EPHA6: variants seen among roughly 807,000 people sequenced by gnomAD.
EPHA6 encodes the protein EPH receptor A6.
Under a neutral mutation model 112.0 loss-of-function variants are expected in EPHA6, and 50 were observed. The observed-to-expected ratio is 0.45, with a 90% CI of 0.36 to 0.56. The LOEUF is 0.56. Ranked by LOEUF, EPHA6 falls within the 20% of genes least tolerant of loss-of-function variation. EPHA6 has a pLI of 0.00. For synonymous variants in EPHA6, 529 were observed against 490.7 expected (o/e 1.08, Z -1.03); for missense variants, 1,280 against 1,417.4 (o/e 0.90, Z 1.56).
intron 11 of EPHA6, among the ~76,000 whole-genome samples, chr3:97,554,332 C>A (rs2093072057): frequency 6.6e-6 from 1 of 151,616 alleles, no homozygotes; most frequent in Admixed American, 6.6e-5. Context: ...CCTAAATTTT[C>A]CATAAAGGTT....
chr3:97,076,133 A>G (rs1404723632), intron 3 of EPHA6, among the ~76,000 whole-genome samples: 1 of 152,160 alleles, frequency 6.6e-6, no homozygotes, highest in South Asian at 2.1e-4. Flanking sequence ...ATAAAAAGCT[A>G]TAAATGATTA....
chr3:97,745,807 T>G (rs2035688748), intron 16 of EPHA6, among the ~76,000 whole-genome samples: 1 of 151,814 alleles, frequency 6.6e-6, no homozygotes, highest in Non-Finnish European at 1.5e-5. Flanking sequence ...CTGGTGACTT[T>G]AGGGTGACTT....
At chr3:96,925,833 C>T (rs1254586801) in intron 2 of EPHA6, among the ~76,000 whole-genome samples, 2 of 151,882 alleles carry the variant, frequency 1.3e-5, no homozygotes, top group Non-Finnish European at 2.9e-5. Context: ...CTCAAACTTC[C>T]GACCTCAGGT....
chr3:96,940,435 G>C (rs1346044671), intron 2 of EPHA6, among the ~76,000 whole-genome samples: 1 of 151,558 alleles, frequency 6.6e-6, no homozygotes, highest in African/African-American at 2.4e-5. Flanking sequence ...GCCTTTTTTT[G>C]TTTTCCATTT....
At chr3:97,721,680 G>A (rs913858273) in intron 15 of EPHA6, among the ~76,000 whole-genome samples, 2 of 152,118 alleles carry the variant, frequency 1.3e-5, no homozygotes, top group South Asian at 4.1e-4. Context: ...CTCCACCCCC[G>A]CAACACTTAG....
chr3:97,305,464 AC>A (rs375802856), intron 5 of EPHA6, among the ~76,000 whole-genome samples: 136 of 152,152 alleles, frequency 8.9e-4, no homozygotes, highest in African/African-American at 2.6e-3. Flanking sequence ...CATGAAATCA[AC>A]CCAAATGCCC....
At chr3:97,628,344 G>C (rs1414155058) in intron 13 of EPHA6, among the ~76,000 whole-genome samples, 1 of 151,886 alleles carries the variant, frequency 6.6e-6, no homozygotes, top group Admixed American at 6.6e-5. Flanking sequence ...TCAATGATAG[G>C]CAATAACTGT....
chr3:97,236,385 G>T (rs955551722), intron 4 of EPHA6, among the ~76,000 whole-genome samples: 1 of 151,862 alleles, frequency 6.6e-6, no homozygotes, highest in Non-Finnish European at 1.5e-5. Flanking sequence ...AAAATCCCAT[G>T]GTCTTAGCAC....
intron 3 of EPHA6, among the ~76,000 whole-genome samples, chr3:97,011,207 G>A (rs901702112): frequency 6.6e-6 from 1 of 152,180 alleles, no homozygotes; most frequent in Admixed American, 6.5e-5. Context: ...GATTTTAAGG[G>A]GGAAGGTTGC....
At chr3:97,477,542 G>A (rs939418325) in intron 8 of EPHA6, among the ~76,000 whole-genome samples, 4 of 151,308 alleles carry the variant, frequency 2.6e-5, no homozygotes, top group East Asian at 3.9e-4. Context: ...GGTTAATGGC[G>A]CAAGTTTAAA....
At chr3:97,642,179 C>G (rs1180238055) in intron 14 of EPHA6, among the ~76,000 whole-genome samples, 1 of 109,238 alleles carries the variant, frequency 9.2e-6, no homozygotes, top group African/African-American at 3.5e-5. Flanking sequence ...AGCAGGGGCA[C>G]ACTGACACCT....
chr3:97,610,350 T>A (rs1262911582), intron 12 of EPHA6, among the ~76,000 whole-genome samples: 1 of 151,668 alleles, frequency 6.6e-6, no homozygotes, highest in Non-Finnish European at 1.5e-5. Context: ...GCCTTAGGAA[T>A]ATTTCAGAAA....
chr3:97,353,203 G>A (rs1251547306), intron 5 of EPHA6, among the ~76,000 whole-genome samples: 2 of 151,856 alleles, frequency 1.3e-5, no homozygotes, highest in East Asian at 2.0e-4. Context: ...CTTCAGGTGT[G>A]ACCCAGCGCA....
chr3:97,706,912 C>G (rs764182905), intron 14 of EPHA6, among the ~76,000 whole-genome samples: 8 of 152,006 alleles, frequency 5.3e-5, no homozygotes, highest in Admixed American at 1.3e-4. Flanking sequence ...CATGAGCTCC[C>G]TGAGGACAAG....
chr3:97,567,869 G>C (rs2093287475), intron 11 of EPHA6, among the ~76,000 whole-genome samples: 1 of 152,150 alleles, frequency 6.6e-6, no homozygotes, highest in Admixed American at 6.5e-5. Context: ...CAGAAGACAG[G>C]AGCAAGGAGA....
At chr3:97,449,838 T>C (rs1474792856) in intron 7 of EPHA6, among the ~76,000 whole-genome samples, 3 of 152,140 alleles carry the variant, frequency 2.0e-5, no homozygotes, top group Admixed American at 6.6e-5. Context: ...AGGTCATAGT[T>C]TTTCAGTTTA....
chr3:97,242,250 T>C (rs2078869618), intron 4 of EPHA6, among the ~76,000 whole-genome samples: 1 of 151,862 alleles, frequency 6.6e-6, no homozygotes, highest in South Asian at 2.1e-4. Context: ...ATCTAGCTTC[T>C]TCCTGTTCCT....
At position 97,244,083 on chromosome 3, in the gene EPHA6, T is replaced by G. The variant is rs1378673614; in HGVS notation, c.1402T>G (p.Leu468Val). 12 of 1,612,856 alleles carry G rather than the reference T, an allele frequency of 7.4e-6. No individual in the cohort carries two copies. The African/African-American group carries it at 1.6e-4, about 22-fold the overall frequency. ...CAGTGTAATCTGTAAGAAATGTGGCTTAGACACCAGCCAGTGTGAGGACTG... is the reference window on the plus strand; with the variant it reads ...CAGTGTAATCTGTAAGAAATGTGGCGTAGACACCAGCCAGTGTGAGGACTG... ...TYSVICKKCG[L>V]DTSQCEDCGG... The change falls in exon 5 of 18, where the codon TTA becomes GTA. Residue 468 changes from leucine (L) to valine (V), a missense_variant. Leu to Val is a conservative substitution (Grantham distance 32). Around this residue, in one of 4 missense-constraint regions of EPHA6, gnomAD observed 878 missense variants for 999.7 expected, o/e 0.88. Coordinates refer to ENST00000389672, the MANE Select transcript of EPHA6 (RefSeq NM_001080448.3).
chr3:97,716,998 G>A (rs1254150396), intron 14 of EPHA6, among the ~76,000 whole-genome samples: 1 of 152,036 alleles, frequency 6.6e-6, no homozygotes, highest in Non-Finnish European at 1.5e-5. Context: ...ATCACTTGAG[G>A]TCAGGAGTTC....
Sources: gnomAD v4.1 joint callset for allele counts (sites outside exome capture counted in the v4.1 genomes callset) on GRCh38, gnomAD v4.1.1 for gene constraint, gnomAD v4.1.1 regional missense constraint, MANE v1.5 for transcripts, NCBI Gene and HGNC (gene_info 2026-07-23, HGNC 2026-07-21) for gene names.